The following SEMA6D variants were observed in gnomAD, a reference collection of about 807,000 sequenced individuals.
SEMA6D encodes semaphorin 6D.
SEMA6D carries 35 observed loss-of-function variants against 106.6 expected under a neutral mutation model. That is an observed-to-expected ratio of 0.33 (90% CI 0.25 to 0.44). The LOEUF (loss-of-function observed/expected upper bound fraction) is 0.44. Among genes scored for constraint, SEMA6D ranks in the 20% least tolerant of loss-of-function variants. SEMA6D has a pLI of 1.00. For missense variants in SEMA6D, 1,185 were observed against 1,345.9 expected (o/e 0.88, Z 1.87); for synonymous variants, 499 against 487.7 (o/e 1.02, Z -0.31).
At chr15:47,621,442 TGACTCACTTTA>T (rs1316636096) in intron 4 of SEMA6D, among the ~76,000 whole-genome samples, 2 of 152,168 alleles carry the variant, frequency 1.3e-5, no homozygotes, top group Non-Finnish European at 2.9e-5. Context: ...TCAACAGTGA[TGACTCACTTTA>T]GATCTTCCTT....
At chr15:47,593,208 T>G (rs934217945) in intron 3 of SEMA6D, among the ~76,000 whole-genome samples, 1 of 151,834 alleles carries the variant, frequency 6.6e-6, no homozygotes, top group Non-Finnish European at 1.5e-5. Context: ...ATCGAGACCA[T>G]CCTGGCTAAC....
chr15:47,297,482 G>A (rs1488767896), intron 1 of SEMA6D, among the ~76,000 whole-genome samples: 2 of 152,106 alleles, frequency 1.3e-5, no homozygotes, highest in Non-Finnish European at 2.9e-5. Context: ...GAGATCATGA[G>A]CATAATTATC....
At chr15:47,537,767 A>G (rs1206501576) in intron 3 of SEMA6D, among the ~76,000 whole-genome samples, 1 of 152,170 alleles carries the variant, frequency 6.6e-6, no homozygotes, top group African/African-American at 2.4e-5. Flanking sequence ...TCAAGGATAA[A>G]TGACGTGTGT....
rs73392893 is a variant in SEMA6D at position 47,693,835 on chromosome 15, G to T, written c.-54-65910G>T. ...CATACCTGTTGTCCCAGCTACTTGG[G>T]AGGCTGAGTTAGGAGGATTGATCAC... On this transcript the variant is annotated intron_variant, in intron 4 of 19. Transcript: ENST00000558014. Among the ~76,000 whole-genome samples the T allele has an allele frequency of 4.3e-3, 650 of 152,180 alleles. 3 individuals are homozygous for T. The highest frequency in any genetic ancestry group is 0.015 in the African/African-American group (629 of 41,534).
chr15:47,455,543 G>T (rs2042322075), intron 2 of SEMA6D, among the ~76,000 whole-genome samples: 1 of 151,836 alleles, frequency 6.6e-6, no homozygotes, highest in African/African-American at 2.4e-5. Flanking sequence ...AGTCAACTCT[G>T]ATACACTTGC....
At chr15:47,221,666 A>G (rs2031220880) in intron 1 of SEMA6D, among the ~76,000 whole-genome samples, 3 of 152,240 alleles carry the variant, frequency 2.0e-5, no homozygotes, top group South Asian at 2.1e-4. Flanking sequence ...CAGTGGCAGT[A>G]TCTCTGATTT....
chr15:47,542,794 C>T (rs1037346312), intron 3 of SEMA6D, among the ~76,000 whole-genome samples: 6 of 152,266 alleles, frequency 3.9e-5, no homozygotes, highest in African/African-American at 1.4e-4. Flanking sequence ...AAGTCAGATG[C>T]TCTTCCTAGC....
intron 1 of SEMA6D, among the ~76,000 whole-genome samples, chr15:47,357,221 C>T (rs1358941852): frequency 6.6e-6 from 1 of 152,014 alleles, no homozygotes; most frequent in Non-Finnish European, 1.5e-5. Flanking sequence ...GTAGTCCCAG[C>T]TACTCGGGAG....
intron 4 of SEMA6D, among the ~76,000 whole-genome samples, chr15:47,615,369 C>T (rs1474953031): frequency 6.6e-6 from 1 of 152,112 alleles, no homozygotes; most frequent in Non-Finnish European, 1.5e-5. Context: ...ATTTTGGTAT[C>T]CACAGGGGTC....
intron 2 of SEMA6D, among the ~76,000 whole-genome samples, chr15:47,429,112 T>C (rs572098063): frequency 7.8e-4 from 118 of 152,030 alleles, no homozygotes; most frequent in African/African-American, 2.8e-3. Context: ...GTGTAAGGCT[T>C]CCTGAGAAGA....
At chr15:47,232,520 GGGGA>G (rs1330578715) in intron 1 of SEMA6D, among the ~76,000 whole-genome samples, 2 of 76,552 alleles carry the variant, frequency 2.6e-5, no homozygotes, top group African/African-American at 4.5e-5. Context: ...TATTCTATGG[GGGGA>G]GGGTGTGTGT....
intron 1 of SEMA6D, among the ~76,000 whole-genome samples, chr15:47,284,458 G>A (rs977667): frequency 0.45 from 67,774 of 151,986 alleles, 17,012 homozygotes; most frequent in Non-Finnish European, 0.57. Context: ...TTTTAAGTCC[G>A]TTGTACTATG....
intron 4 of SEMA6D, among the ~76,000 whole-genome samples, chr15:47,607,603 A>G (rs2076809103): frequency 6.6e-6 from 1 of 152,344 alleles, no homozygotes; most frequent in African/African-American, 2.4e-5. Context: ...AAAAGTGCCA[A>G]TGTGTCTAAG....
intron 1 of SEMA6D, among the ~76,000 whole-genome samples, chr15:47,239,213 G>C (rs1015812587): frequency 6.6e-6 from 1 of 152,164 alleles, no homozygotes; most frequent in Non-Finnish European, 1.5e-5. Context: ...ACAATCTAAT[G>C]CCTGATGATC....
chr15:47,712,545 T>C (rs2079040818), upstream of SEMA6D, among the ~76,000 whole-genome samples: 1 of 152,222 alleles, frequency 6.6e-6, no homozygotes, highest in African/African-American at 2.4e-5. Context: ...TCCAGTCAGT[T>C]CCTTCTCCCT....
intron 2 of SEMA6D, among the ~76,000 whole-genome samples, chr15:47,447,018 T>A (rs1311631067): frequency 6.6e-6 from 1 of 152,126 alleles, no homozygotes; most frequent in East Asian, 1.9e-4. Flanking sequence ...CCTTGCCTCA[T>A]GCCTGGCCTC....
At chr15:47,548,410 C>G (rs1231034854) in intron 3 of SEMA6D, among the ~76,000 whole-genome samples, 3 of 152,126 alleles carry the variant, frequency 2.0e-5, no homozygotes, top group Non-Finnish European at 4.4e-5. Flanking sequence ...TTTCTTGGCC[C>G]TCTCCCTTCT....
intron 1 of SEMA6D, among the ~76,000 whole-genome samples, chr15:47,724,600 G>T (rs1054768898): frequency 6.7e-6 from 1 of 150,298 alleles, no homozygotes; most frequent in African/African-American, 2.4e-5. Context: ...GAGAGGGAGG[G>T]AATTCCAGGC....
In SEMA6D at chr15:47,771,295, C is replaced by G; in HGVS notation, c.2732C>G (p.Pro911Arg). ...QMAHQNLMLD[P>R]MGSMSEVPPK... is the part of the protein sequence containing the mutation. Reference sequence around the variant, plus strand: ...GCACACCAGAACTTAATGCTGGATCCCATGGGATCGATGTCTGAGGTCCCA... The same window carrying G: ...GCACACCAGAACTTAATGCTGGATCGCATGGGATCGATGTCTGAGGTCCCA... The change falls in exon 19 of 19, where the codon CCC becomes CGC. Residue 911 changes from proline to arginine, a missense_variant. Transcript: ENST00000536845. The G allele has an allele frequency of 6.2e-7, 1 of 1,613,982 alleles. No individual in the cohort carries two copies. Among genetic ancestry groups the G allele is most frequent in the South Asian group, 1.1e-5 (1 of 91,064 alleles).
Sources: allele counts gnomAD v4.1 joint callset (sites outside exome capture counted in the v4.1 genomes callset), GRCh38; gene constraint gnomAD v4.1.1; transcripts MANE v1.5; gene names NCBI Gene and HGNC (gene_info 2026-07-23, HGNC 2026-07-21).